Variants in EFHB observed in about 807,000 individuals in gnomAD.
The protein encoded by EFHB is EF-hand domain family member B.
EFHB carries 91 observed loss-of-function variants against 87.2 expected under a neutral mutation model. The observed-to-expected ratio is 1.04, with a 90% CI of 0.88 to 1.24. EFHB has a LOEUF of 1.24. EFHB is among the 50% of genes most tolerant of loss of function. EFHB has a pLI of 0.00. For synonymous variants in EFHB, 325 were observed against 333.6 expected (o/e 0.97, Z 0.28); for missense variants, 1,084 against 998.8 (o/e 1.09, Z -1.15).
At chr3:19,912,579 G>A (rs1030492594) in intron 5 of EFHB, among the ~76,000 whole-genome samples, 3 of 152,020 alleles carry the variant, frequency 2.0e-5, no homozygotes, top group African/African-American at 2.4e-5. Flanking sequence ...GTATAACACC[G>A]TAACTGTGGT....
rs1308804205 is a variant in EFHB, at chr3:19,904,338, A to G, written c.1418+1282T>C. ...GTGTCAGTAAGGCCACATTTCCTCT[A>G]ACAGCTCTAGGGGAGAATTCATTTC... On this transcript the variant is annotated intron_variant, in intron 6 of 12. Transcript: ENST00000295824. 2.0e-5 allele frequency among the ~76,000 whole-genome samples: 3 copies of G among 152,186 alleles called. 1 individual carries two copies. In the East Asian group the frequency reaches 5.8e-4, roughly 29 times the overall value.
chr3:19,941,151 G>C (rs959745150), intron 1 of EFHB: 2 of 390,692 alleles, frequency 5.1e-6, no homozygotes, highest in East Asian at 1.2e-4. Context: ...GAATCCTGGG[G>C]ATAAAAGTAG....
At position 19,898,761 on chromosome 3, in the gene EFHB, A is replaced by T; in HGVS notation, c.1570+17T>A. ...TGTTTGTTTGGGGTTTTTTACGGAGAAAGTGTGTATATTTACCATATTCCT... is the reference window on the plus strand; with the variant it reads ...TGTTTGTTTGGGGTTTTTTACGGAGTAAGTGTGTATATTTACCATATTCCT... On this transcript the variant is annotated intron_variant, in intron 8 of 12. Coordinates refer to ENST00000295824, the MANE Select transcript of EFHB (RefSeq NM_144715.4). The T allele has an allele frequency of 1.2e-6, 2 of 1,612,338 alleles. No homozygotes were observed. Among genetic ancestry groups the T allele is most frequent in the Non-Finnish European group, 1.7e-6 (2 of 1,179,038 alleles).
In EFHB at chr3:19,933,554, C is replaced by G. The variant is rs1265098144; in HGVS notation, c.465G>C (p.Glu155Asp). The G allele has an allele frequency of 6.2e-7, 1 of 1,614,024 alleles. No homozygotes were observed. The highest frequency in any genetic ancestry group is 1.7e-5 in the Admixed American group (1 of 60,028). Residue 155 changes from glutamate to aspartate, a missense_variant, in exon 1 of 13, where the codon GAG (glutamate) becomes GAC (aspartate). By Grantham distance (45) the Glu-to-Asp change is conservative. Transcript: ENST00000295824. ...CGAAAGCAGGCTTTCCCACTAATTC[C>G]TCTACCCCTTCAGGGCCACTAGCCA... is the stretch of plus-strand genomic sequence containing the variant. ...APLASGPEGV[E>D]ELVGKPAFVM...
chr3:19,946,337 A>G (rs1187780741), intron 1 of EFHB: 1 of 152,274 alleles, frequency 6.6e-6, no homozygotes, highest in Non-Finnish European at 1.5e-5. Flanking sequence ...GAGGACCACC[A>G]AGGGGAGCTA....
intron 5 of EFHB, among the ~76,000 whole-genome samples, chr3:19,906,016 A>G (rs1281645845): frequency 1.3e-5 from 2 of 152,174 alleles, no homozygotes; most frequent in Admixed American, 6.5e-5. Flanking sequence ...CTCCATCAAA[A>G]AACTGTTAGA....
In EFHB at chr3:19,885,622, T is replaced by TG. The variant is rs564474590; in HGVS notation, c.1934-1008dup. Among the ~76,000 whole-genome samples the TG allele has an allele frequency of 2.8e-4, 43 of 152,220 alleles. 1 individual carries two copies. Among genetic ancestry groups the TG allele is most frequent in the Non-Finnish European group, 5.7e-4 (39 of 68,034 alleles). On this transcript the variant is annotated intron_variant, in intron 10 of 12. Transcript: ENST00000295824. ...ATCTTTAGAAAAATTCTAAAGGTTC[T>TG]GGGGGAGCCCAAGTAAGGGTTGCAA...
upstream of EFHB, chr3:19,934,279 T>A: frequency 1.5e-6 from 2 of 1,365,866 alleles, no homozygotes; most frequent in South Asian, 1.8e-5. Flanking sequence ...CTTGGACAGA[T>A]CCCTGCCCAT....
chr3:19,908,598 G>GAGAGAGAGAA (rs1694937855), intron 5 of EFHB, among the ~76,000 whole-genome samples: 13 of 77,844 alleles, frequency 1.7e-4, no homozygotes, highest in East Asian at 1.1e-3. Context: ...GAGAGAGAGA[G>GAGAGAGAGAA]AGAAAGAAAG....
upstream of EFHB, chr3:19,936,370 C>A (rs1696022154): frequency 3.8e-6 from 2 of 530,676 alleles, no homozygotes; most frequent in African/African-American, 2.0e-5. Context: ...TCAAGACATG[C>A]ATGGGTAACA....
rs1216289438 is a variant in EFHB, at chr3:19,933,812, C to A, written c.207G>T (p.Gly69=). 4.3e-6 allele frequency: 7 copies of A among 1,613,864 alleles called. No individual in the cohort carries two copies. The highest frequency in any genetic ancestry group is 5.9e-6 in the Non-Finnish European group (7 of 1,179,878). ...TCTGTCTTTCTAATCCCATTTCAAG[C>A]CCCTTGCTCAATGGAAATTTTGTTT... ...PPETKFPLSK[G]LEMGLERQNI... Residue 69 remains glycine (G), a synonymous_variant, in exon 1 of 13, where the codon GGG becomes GGT. Transcript: ENST00000295824.
rs774227723 is a variant in EFHB, at chr3:19,910,606, G to A, written c.1288+4697C>T. On this transcript the variant is annotated intron_variant, in intron 5 of 12. Transcript: ENST00000295824. ...TAGAGCCCCAGGACCTTGAGTGAAC[G>A]TAGGCTGCAGCCAGAGGTTGAGTAC... Among the ~76,000 whole-genome samples the A allele has an allele frequency of 2.6e-5, 4 of 152,138 alleles. No individual in the cohort carries two copies. The East Asian group carries it at 5.8e-4, about 22-fold the overall frequency.
chr3:19,908,600 GAAAGAA>G (rs71055078), intron 5 of EFHB, among the ~76,000 whole-genome samples: 2,395 of 96,576 alleles, frequency 0.025, 43 homozygotes, highest in Non-Finnish European at 0.039. Flanking sequence ...GAGAGAGAGA[GAAAGAA>G]AGAAAGAAAG....
In EFHB at chr3:19,884,456, T is replaced by C. The variant is rs372270994; in HGVS notation, c.2093A>G (p.Tyr698Cys). Residue 698 changes from tyrosine to cysteine, a missense_variant, in exon 11 of 13, where the codon TAT becomes TGT. By Grantham distance (194) the Tyr-to-Cys change is radical (BLOSUM62 -2). Coordinates refer to ENST00000295824, the MANE Select transcript of EFHB (RefSeq NM_144715.4). ...ATTGATCTCAGAAGAAGTTGTCTTA[T>C]AGTAGTTGGAAACTTTATCACTTGG... ...LRPSDKVSNY[Y>C]KTTSSEINAI... The C allele has an allele frequency of 1.1e-4, 176 of 1,613,846 alleles. No individual in the cohort carries two copies. The highest frequency in any genetic ancestry group is 1.5e-4 in the Non-Finnish European group (172 of 1,179,892).
At chr3:19,931,997 T>C (rs1449814931) in intron 1 of EFHB, among the ~76,000 whole-genome samples, 1 of 152,208 alleles carries the variant, frequency 6.6e-6, no homozygotes, top group Non-Finnish European at 1.5e-5. Context: ...TCTTTACCTG[T>C]CATCTCATAT....
chr3:19,909,056 C>T (rs1694966872), intron 5 of EFHB, among the ~76,000 whole-genome samples: 1 of 130,490 alleles, frequency 7.7e-6, no homozygotes, highest in Non-Finnish European at 1.6e-5. Context: ...CTACAAGGAC[C>T]AAGTTGACAA....
chr3:19,935,958 C>T (rs1375984471), upstream of EFHB, among the ~76,000 whole-genome samples: 2 of 122,520 alleles, frequency 1.6e-5, no homozygotes, highest in East Asian at 2.3e-4. Flanking sequence ...TGCAGTAAGC[C>T]GAGATCACAC....
chr3:19,907,004 C>T (rs1358049100), intron 5 of EFHB, among the ~76,000 whole-genome samples: 1 of 150,738 alleles, frequency 6.6e-6, no homozygotes, highest in African/African-American at 2.5e-5. Flanking sequence ...AACCTGATTT[C>T]CACATGCAAC....
Position 19,882,597 on chromosome 3 carries a change from T to C in EFHB, c.2281A>G (p.Lys761Glu). 4 of 1,612,098 alleles carry C rather than the reference T, an allele frequency of 2.5e-6. No homozygotes were observed. Among genetic ancestry groups the C allele is most frequent in the Admixed American group, 1.7e-5 (1 of 59,848 alleles). Reference sequence around the variant, plus strand: ...AAGAAGTCTCTTTCAAACACTCCTTTCCGGGCAAAAATGGTAGGATATAGT... The same window carrying C: ...AAGAAGTCTCTTTCAAACACTCCTTCCCGGGCAAAAATGGTAGGATATAGT... ...SLLYPTIFAR[K>E]GVFERDFFKT... is the part of the protein sequence containing the mutation. Residue 761 changes from lysine (K) to glutamate (E), a missense_variant, in exon 12 of 13, where the codon AAA becomes GAA. By Grantham distance (56) the Lys-to-Glu change is moderately conservative. Coordinates refer to ENST00000295824, the MANE Select transcript of EFHB (RefSeq NM_144715.4).
Sources: gnomAD v4.1 joint callset for allele counts (sites outside exome capture counted in the v4.1 genomes callset) on GRCh38, gnomAD v4.1.1 for gene constraint, MANE v1.5 for transcripts, NCBI Gene and HGNC (gene_info 2026-07-23, HGNC 2026-07-21) for gene names.